Variants in PIEZO2 observed in about 807,000 individuals in gnomAD.
PIEZO2 encodes the protein piezo-type mechanosensitive ion channel component 2.
PIEZO2 carries 172 observed loss-of-function variants against 337.3 expected under a neutral mutation model. The ratio of observed to expected loss-of-function variants is 0.51; its 90% CI spans 0.45 to 0.58. PIEZO2 has a LOEUF of 0.58. Among genes scored for constraint, PIEZO2 ranks in the 20% least tolerant of loss-of-function variants. PIEZO2 has a pLI of 0.00. For synonymous variants in PIEZO2, 1,251 were observed against 1,228.5 expected, an observed-to-expected ratio of 1.02 and a Z score of -0.38; for missense variants, 3,028 against 3,391.3, an observed-to-expected ratio of 0.89 and a Z score of 2.66.
chr18:10,784,923 C>T lies in PIEZO2; in HGVS notation c.2353G>A (p.Ala785Thr), dbSNP rs1216788360. The change falls in exon 17 of 56, where the codon GCT (alanine) becomes ACT (threonine). Residue 785 changes from alanine (A) to threonine (T), a missense_variant. Ala to Thr is a moderately conservative substitution (Grantham distance 58). Around this residue, in one of 5 missense-constraint regions of PIEZO2, gnomAD observed 1,925 missense variants for 2,051.9 expected, o/e 0.94. Coordinates refer to ENST00000674853, the MANE Select transcript of PIEZO2 (RefSeq NM_001378183.1). The surrounding 1 kb of genome is among the most constrained non-coding windows in gnomAD (Gnocchi z 4.5). ...EDLGLKQFTV[A>T]ELFTRIFIPT... ...ATGAATATGCGAGTGAATAGTTCAG[C>T]CACAGTAAACTGCTTTAAGCCAAGA... 2.0e-6 allele frequency: 3 copies of T among 1,537,000 alleles called. No homozygotes were observed. The highest frequency in any genetic ancestry group is 2.7e-5 in the African/African-American group (2 of 73,112).
intron 2 of PIEZO2, among the ~76,000 whole-genome samples, chr18:11,050,212 T>C (rs1466367527): frequency 6.6e-6 from 1 of 152,168 alleles, no homozygotes; most frequent in African/African-American, 2.4e-5. Context: ...TGAGCTGATA[T>C]TGATAATAAA....
chr18:10,749,492 TAATA>T (rs10554745), intron 29 of PIEZO2, among the ~76,000 whole-genome samples: 52,700 of 151,566 alleles, frequency 0.35, 10,400 homozygotes, highest in African/African-American at 0.55. Flanking sequence ...AAATAAATAA[TAATA>T]AATAAATAGA....
At chr18:10,723,167 A>G (rs571436399) in intron 36 of PIEZO2, among the ~76,000 whole-genome samples, 1 of 151,968 alleles carries the variant, frequency 6.6e-6, no homozygotes, top group East Asian at 1.9e-4. Flanking sequence ...GGGTTTCTGC[A>G]TGTTGGTCAG....
At chr18:10,721,188 T>C (rs1480192424) in intron 36 of PIEZO2, among the ~76,000 whole-genome samples, 4 of 152,196 alleles carry the variant, frequency 2.6e-5, no homozygotes, top group Non-Finnish European at 5.9e-5. Flanking sequence ...TCCGGCAAGT[T>C]GCTTCATTCT....
intron 36 of PIEZO2, among the ~76,000 whole-genome samples, chr18:10,728,721 C>T (rs951371218): frequency 6.6e-6 from 1 of 151,664 alleles, no homozygotes; most frequent in Admixed American, 6.6e-5. Flanking sequence ...TTTGGGAGGC[C>T]GAGGCGGGCG....
At chr18:11,022,550 C>T (rs1398312975) in intron 2 of PIEZO2, among the ~76,000 whole-genome samples, 1 of 152,120 alleles carries the variant, frequency 6.6e-6, no homozygotes, top group Non-Finnish European at 1.5e-5. Flanking sequence ...CCTCTGGGTG[C>T]ACACATCCTT....
At chr18:11,130,227 C>G (rs925320509) in intron 1 of PIEZO2, among the ~76,000 whole-genome samples, 8 of 152,242 alleles carry the variant, frequency 5.3e-5, no homozygotes, top group Non-Finnish European at 1.2e-4. Flanking sequence ...TGGAGAATGA[C>G]AGTGGATTAT....
chr18:10,684,332 A>AC (rs370046641), intron 49 of PIEZO2, among the ~76,000 whole-genome samples: 2 of 148,018 alleles, frequency 1.4e-5, no homozygotes, highest in East Asian at 4.0e-4. Flanking sequence ...TGCCTGGCTA[A>AC]TTTTTTGTAT....
intron 2 of PIEZO2, among the ~76,000 whole-genome samples, chr18:11,005,987 T>C (rs1171483131): frequency 6.6e-6 from 1 of 152,240 alleles, no homozygotes; most frequent in African/African-American, 2.4e-5. Context: ...ATTGCTATAA[T>C]GATATTTTTT....
chr18:10,995,082 A>AAAAAAAAAAAAAAAAG (rs2035266843), intron 2 of PIEZO2, among the ~76,000 whole-genome samples: 31 of 128,122 alleles, frequency 2.4e-4, no homozygotes, highest in African/African-American at 8.1e-4. Flanking sequence ...CGTCTCAAAA[A>AAAAAAAAAAAAAAAAG]AAAAAAAAAA....
chr18:10,946,735 T>A (rs2033043739), intron 3 of PIEZO2, among the ~76,000 whole-genome samples: 1 of 152,182 alleles, frequency 6.6e-6, no homozygotes, highest in African/African-American at 2.4e-5. Context: ...ATAGGGGAAC[T>A]ACTTGGTTTA....
Position 10,803,991 on chromosome 18 carries a change from G to A in PIEZO2, c.1084C>T (p.Gln362Ter), listed in dbSNP as rs1173776803. The change falls in exon 9 of 56, where the codon CAG becomes TAG. Residue 362 changes from glutamine to a stop codon, truncating the protein, a stop_gained. Coordinates refer to ENST00000674853, the MANE Select transcript of PIEZO2 (RefSeq NM_001378183.1). LOFTEE classifies it high-confidence loss of function. ...IRIWLQEPLV[Q>*]DEGTKEEDKA... ...TCCTCTTCTTTGGTCCCCTCATCCT[G>A]CACCTGAAACACAGAAACAGGATCA... 6.5e-7 allele frequency: 1 copy of A among 1,537,292 alleles called. No individual in the cohort carries two copies. The highest frequency in any genetic ancestry group is 2.0e-5 in the Admixed American group (1 of 50,980).
Position 10,834,073 on chromosome 18 carries a change from A to C in PIEZO2, c.917+21280T>G, listed in dbSNP as rs944600794. On this transcript the variant is annotated intron_variant, in intron 7 of 55. Transcript: ENST00000674853. The surrounding 1 kb of genome is among the most constrained non-coding windows in gnomAD (Gnocchi z 4.5). ...TGGGGCACAGGTGATGTTTTGATACAGACATGCAATGTGTAACAATCACAT... is the reference window on the plus strand; with the variant it reads ...TGGGGCACAGGTGATGTTTTGATACCGACATGCAATGTGTAACAATCACAT... Among the ~76,000 whole-genome samples the C allele has an allele frequency of 1.3e-5, 2 of 152,244 alleles. No individual in the cohort carries two copies. Among genetic ancestry groups the C allele is most frequent in the Non-Finnish European group, 2.9e-5 (2 of 68,046 alleles).
chr18:11,052,729 A>G (rs2037575699), intron 2 of PIEZO2, among the ~76,000 whole-genome samples: 2 of 152,224 alleles, frequency 1.3e-5, no homozygotes, highest in Admixed American at 1.3e-4. Context: ...TCTTTTGGGA[A>G]GAACAATCCT....
intron 39 of PIEZO2, among the ~76,000 whole-genome samples, 183 bp from the exon 40 acceptor site, chr18:10,708,622 A>C (rs778802555): frequency 2.0e-5 from 3 of 152,170 alleles, no homozygotes; most frequent in Non-Finnish European, 4.4e-5. Context: ...CAGGACCTTG[A>C]AACACACGAG....
rs1002653352 is a variant in PIEZO2, at chr18:10,863,248, C to G, written c.493-6037G>C. ...TCACTGCAGAAGATGAATTTCATCC[C>G]CAGGGTTCCCTTGTGAAAGGAAGCA... On this transcript the variant is annotated intron_variant, in intron 5 of 55. Transcript: ENST00000674853. This position sits in a 1 kb window ranked among gnomAD's most constrained non-coding sequence, Gnocchi z 4.3. 3.3e-5 allele frequency among the ~76,000 whole-genome samples: 5 copies of G among 152,064 alleles called. No individual in the cohort carries two copies. The highest frequency in any genetic ancestry group is 7.4e-5 in the Non-Finnish European group (5 of 68,014).
chr18:10,855,805 A>T lies in PIEZO2; in HGVS notation c.704-239T>A, dbSNP rs116272074. 0.018 allele frequency among the ~76,000 whole-genome samples: 2,751 copies of T among 152,320 alleles called. 87 individuals carry two copies. The highest frequency in any genetic ancestry group is 0.063 in the African/African-American group (2,600 of 41,560). On this transcript the variant is annotated intron_variant, in intron 6 of 55. Transcript: ENST00000674853. This position sits in a 1 kb window ranked among gnomAD's most constrained non-coding sequence, Gnocchi z 4.9. The stretch of plus-strand genomic sequence containing the variant: ...CAAAGATATACCAGATGATTAAAAA[A>T]ATTCCACCTGTGGCGTCTGAACTAA...
At position 10,795,351 on chromosome 18, in the gene PIEZO2, ATTATT is replaced by A. The variant is rs10694670; in HGVS notation, c.1528-354_1528-350del. Among the ~76,000 whole-genome samples, 878 of 20,360 alleles carry A rather than the reference ATTATT, an allele frequency of 0.043. 6 individuals carry two copies. Among genetic ancestry groups the A allele is most frequent in the African/African-American group, 0.074 (523 of 7,054 alleles). 13.4% of individuals were successfully genotyped at this position (20,360 alleles called of 152,430 possible). A position where few individuals can be genotyped will look rare whatever the true frequency, so the allele number is the denominator to read the frequency against. ...ATTTTATTTTATTTTATTTTATTTT[ATTATT>A]TTATTTTATTTTATTTTATTTTATT... On this transcript the variant is annotated intron_variant, in intron 12 of 55. Coordinates refer to ENST00000674853, the MANE Select transcript of PIEZO2 (RefSeq NM_001378183.1). This position sits in a 1 kb window ranked among gnomAD's most constrained non-coding sequence, Gnocchi z 4.4.
In PIEZO2 at chr18:11,126,094, C is replaced by T. The variant is rs539530711; in HGVS notation, c.64+22431G>A. ...TAGACCTGCATTACAAGTAGAACAG[C>T]GGGCAGTTCTGTCCATGCCCACCAG... On this transcript the variant is annotated intron_variant, in intron 1 of 55. Coordinates refer to ENST00000674853, the MANE Select transcript of PIEZO2 (RefSeq NM_001378183.1). The surrounding 1 kb of genome is among the most constrained non-coding windows in gnomAD (Gnocchi z 4.6). 1.3e-3 allele frequency among the ~76,000 whole-genome samples: 203 copies of T among 152,278 alleles called. 1 individual carries two copies. In the Middle Eastern group the frequency reaches 0.014, roughly 10 times the overall value.
Sources: allele counts gnomAD v4.1 joint callset (sites outside exome capture counted in the v4.1 genomes callset), GRCh38; gene constraint gnomAD v4.1.1; regional missense constraint gnomAD v4.1.1; non-coding constraint Gnocchi (gnomAD v3.1); transcripts MANE v1.5; gene names NCBI Gene and HGNC (gene_info 2026-07-23, HGNC 2026-07-21).